REEP6: variants seen among roughly 807,000 people sequenced by gnomAD.
REEP6 encodes the protein receptor expression-enhancing protein 6.
A neutral mutation model predicts 22.4 loss-of-function variants in REEP6; 19 were observed. That is an observed-to-expected ratio of 0.85 (90% CI 0.59 to 1.25). The LOEUF (loss-of-function observed/expected upper bound fraction) is 1.25, where lower values mean the gene tolerates loss of function less well. REEP6 is among the 50% of genes most tolerant of loss of function. REEP6 has a pLI of 0.00. For synonymous variants in REEP6, 121 were observed against 113.6 expected (o/e 1.06, Z -0.41); for missense variants, 273 against 251.9 (o/e 1.08, Z -0.57).
At chr19:1,494,835 C>T (rs1034554887) in intron 1 of REEP6, among the ~76,000 whole-genome samples, 4 of 152,210 alleles carry the variant, frequency 2.6e-5, no homozygotes, top group Admixed American at 2.0e-4. Flanking sequence ...CAGGCACACA[C>T]CGCCATGCCT....
Position 1,491,764 on chromosome 19 carries a change from C to A in REEP6, c.115+380C>A, listed in dbSNP as rs1310985911. 2.6e-5 allele frequency among the ~76,000 whole-genome samples: 4 copies of A among 152,164 alleles called. No homozygotes were observed. Among genetic ancestry groups the A allele is most frequent in the Non-Finnish European group, 5.9e-5 (4 of 68,024 alleles). On this transcript the variant is annotated intron_variant, in intron 1 of 4. Transcript: ENST00000233596. The surrounding 1 kb of genome is among the most constrained non-coding windows in gnomAD (Gnocchi z 5.4). Reference sequence around the variant, plus strand: ...CTGGCTGCAACAGTAGAGATCTTCCCGTTTTTCTGAGGGGAGGCTCCTGGC... The same window carrying A: ...CTGGCTGCAACAGTAGAGATCTTCCAGTTTTTCTGAGGGGAGGCTCCTGGC...
At chr19:1,495,266 C>G (rs376143504) in intron 1 of REEP6, 28 bp from the exon 2 acceptor site, 116 of 1,607,010 alleles carry the variant, frequency 7.2e-5, no homozygotes, top group Non-Finnish European at 9.8e-5. Flanking sequence ...GTCCCCAGCC[C>G]TGGCACACCA....
At position 1,491,393 on chromosome 19, in the gene REEP6, TCGGCGCTAGCCCGTTTCGCCGA is replaced by T; in HGVS notation, c.115+13_115+34del. 4.2e-6 allele frequency: 6 copies of T among 1,432,210 alleles called. No homozygotes were observed. The highest frequency in any genetic ancestry group is 5.5e-6 in the Non-Finnish European group (6 of 1,092,098). 88.7% of individuals were successfully genotyped at this position (1,432,210 alleles called of 1,614,324 possible). ...GCGGTATCTGGCTGCAGGTGAGCCGTCGGCGCTAGCCCGTTTCGCCGACGGGCACACCGAGGCCATGGGCCTG... is the reference window on the plus strand; with the variant it reads ...GCGGTATCTGGCTGCAGGTGAGCCGTCGGGCACACCGAGGCCATGGGCCTG... On this transcript the variant is annotated intron_variant, in intron 1 of 4. Coordinates refer to ENST00000233596, the MANE Select transcript of REEP6 (RefSeq NM_138393.4). The surrounding 1 kb of genome is among the most constrained non-coding windows in gnomAD (Gnocchi z 5.4).
At position 1,491,517 on chromosome 19, in the gene REEP6, C is replaced by T. The variant is rs551167978; in HGVS notation, c.115+133C>T. The T allele has an allele frequency of 1.5e-4, 78 of 520,612 alleles. 1 individual carries two copies. Among genetic ancestry groups the T allele is most frequent in the African/African-American group, 1.4e-3 (71 of 50,370 alleles). 32.2% of individuals were successfully genotyped at this position (520,612 alleles called of 1,614,324 possible). A position where few individuals can be genotyped will look rare whatever the true frequency, so the allele number is the denominator to read the frequency against. On this transcript the variant is annotated intron_variant, in intron 1 of 4. Transcript: ENST00000233596. The surrounding 1 kb of genome is among the most constrained non-coding windows in gnomAD (Gnocchi z 5.4). ...GGAGCGCGCGAGGTGACTGGGACCT[C>T]GAGGTCCGCCCGCAGCCCTTCCCTT...
intron 3 of REEP6, 46 bp from the exon 4 acceptor site, chr19:1,496,239 C>G: frequency 6.4e-7 from 1 of 1,566,184 alleles, no homozygotes; most frequent in Non-Finnish European, 8.7e-7. Context: ...CCACCAGGGG[C>G]ACAGAGCTGG....
rs898408894 is a variant in REEP6 at position 1,497,329 on chromosome 19, C to G, written c.*118C>G. ...CCAACAGCAGCCCCTGCCAGTCCCT[C>G]GGGTCCAGGCAAGGCCCTGGGGGTC... On this transcript the variant is annotated 3_prime_UTR_variant, in exon 5 of 5. Coordinates refer to ENST00000233596, the MANE Select transcript of REEP6 (RefSeq NM_138393.4). This position sits in a 1 kb window ranked among gnomAD's most constrained non-coding sequence, Gnocchi z 6.5. The G allele has an allele frequency of 6.1e-6, 6 of 980,416 alleles. No individual in the cohort carries two copies. The East Asian group carries it at 1.6e-4, about 26-fold the overall frequency. The allele number at this position is 980,416 out of a possible 1,614,324, so 60.7% of individuals were successfully genotyped here.
intron 1 of REEP6, among the ~76,000 whole-genome samples, chr19:1,492,745 AT>A (rs2084976038): frequency 1.4e-5 from 2 of 146,732 alleles, no homozygotes; most frequent in Admixed American, 1.3e-4. Flanking sequence ...TTCCCCCCCA[AT>A]TTTCCCACCA....
intron 1 of REEP6, among the ~76,000 whole-genome samples, chr19:1,493,133 C>T (rs561152003): frequency 6.6e-6 from 1 of 152,036 alleles, no homozygotes; most frequent in African/African-American, 2.4e-5. Flanking sequence ...GGGGCTGGGC[C>T]TCCCTCCACA....
In REEP6 at chr19:1,491,349, C is replaced by A; in HGVS notation, c.80C>A (p.Ala27Asp). The A allele has an allele frequency of 1.4e-6, 2 of 1,477,982 alleles. No individual in the cohort carries two copies. The highest frequency in any genetic ancestry group is 2.6e-5 in the Admixed American group (1 of 38,548). The allele number at this position is 1,477,982 out of a possible 1,614,324, so 91.6% of individuals were successfully genotyped here. A position where few individuals can be genotyped will look rare whatever the true frequency, so the allele number is the denominator to read the frequency against. The change falls in exon 1 of 5, where the codon GCC (alanine) becomes GAC (aspartate). Residue 27 changes from alanine (A) to aspartate (D), a missense_variant. By Grantham distance (126) the Ala-to-Asp change is moderately radical. Coordinates refer to ENST00000233596, the MANE Select transcript of REEP6 (RefSeq NM_138393.4). This position sits in a 1 kb window ranked among gnomAD's most constrained non-coding sequence, Gnocchi z 5.4. ...LVTEVLGALE[A>D]KTGVEKRYLA... ...ACCGAAGTGCTGGGGGCGCTGGAGG[C>A]CAAGACCGGGGTGGAGAAGCGGTAT...
At position 1,491,500 on chromosome 19, in the gene REEP6, C is replaced by G. The variant is rs1310734766; in HGVS notation, c.115+116C>G. The G allele has an allele frequency of 7.5e-6, 5 of 662,528 alleles. No homozygotes were observed. The highest frequency in any genetic ancestry group is 1.1e-5 in the Non-Finnish European group (5 of 446,340). 41.0% of individuals were successfully genotyped at this position (662,528 alleles called of 1,614,324 possible). On this transcript the variant is annotated intron_variant, in intron 1 of 4. Transcript: ENST00000233596. This position sits in a 1 kb window ranked among gnomAD's most constrained non-coding sequence, Gnocchi z 5.4. ...GGTCCGGTCCGGCCGGTGGAGCGCG[C>G]GAGGTGACTGGGACCTCGAGGTCCG...
chr19:1,492,993 G>A (rs146042587), intron 1 of REEP6, among the ~76,000 whole-genome samples: 2,262 of 152,260 alleles, frequency 0.015, 72 homozygotes, highest in African/African-American at 0.052. Flanking sequence ...GGGAGGGGCT[G>A]CCTGGGGCAC....
In REEP6 at chr19:1,495,500, G is replaced by A. The variant is rs544559636; in HGVS notation, c.241G>A (p.Asp81Asn). ...IKAIESPSKD[D>N]DTVWLTYWVV... ...AGCTATCGAGAGCCCAAGCAAGGAC[G>A]ACGACACTGTGTGGCTCACCTACTG... The change falls in exon 3 of 5, where the codon GAC becomes AAC. Residue 81 changes from aspartate to asparagine, a missense_variant. Asp to Asn is a conservative substitution (Grantham distance 23). Transcript: ENST00000233596. 3.1e-6 allele frequency: 5 copies of A among 1,614,066 alleles called. No individual in the cohort carries two copies. The highest frequency in any genetic ancestry group is 1.1e-5 in the South Asian group (1 of 91,090).
intron 1 of REEP6, among the ~76,000 whole-genome samples, chr19:1,492,929 C>T (rs890800390): frequency 1.3e-5 from 2 of 152,208 alleles, no homozygotes; most frequent in African/African-American, 4.8e-5. Flanking sequence ...TTCCACATCC[C>T]TGGGGCTAGT....
intron 1 of REEP6, among the ~76,000 whole-genome samples, chr19:1,492,882 T>A (rs1006519103): frequency 6.6e-6 from 1 of 152,208 alleles, no homozygotes; most frequent in Non-Finnish European, 1.5e-5. Flanking sequence ...CGGCTGTGCC[T>A]GCCCCCGGGA....
chr19:1,496,682 G>A (rs1483136302), intron 4 of REEP6: 6 of 710,662 alleles, frequency 8.4e-6, no homozygotes, highest in South Asian at 3.0e-5. Context: ...GTACGTAACC[G>A]CTGTGGGGAG....
chr19:1,492,419 G>A (rs1442875944), intron 1 of REEP6, among the ~76,000 whole-genome samples: 1 of 152,054 alleles, frequency 6.6e-6, no homozygotes, highest in Non-Finnish European at 1.5e-5. Context: ...GAGCCACCTT[G>A]CCTGGCCTAA....
chr19:1,493,111 C>G (rs895319359), intron 1 of REEP6, among the ~76,000 whole-genome samples: 1 of 151,434 alleles, frequency 6.6e-6, no homozygotes, highest in Non-Finnish European at 1.5e-5. Flanking sequence ...GTCCCATCTG[C>G]TGCTAATCTT....
At chr19:1,496,255 C>T in intron 3 of REEP6, 30 bp from the exon 4 acceptor site, 1 of 1,582,294 alleles carries the variant, frequency 6.3e-7, no homozygotes. Context: ...GCTGGGTGGG[C>T]CCGCGTGTAA....
In REEP6 at chr19:1,496,353, C is replaced by T. The variant is rs1411517185; in HGVS notation, c.417C>T (p.Val139=). 16 of 1,613,088 alleles carry T rather than the reference C, an allele frequency of 9.9e-6. No homozygotes were observed. In the East Asian group the frequency reaches 2.7e-4, roughly 27 times the overall value. ...GGGCTCTCATGCTGTATCAGCGCGT[C>T]GTGCGTCCGCTGTTCCTAAGGCACC... ...WNGALMLYQR[V]VRPLFLRHHG... The change falls in exon 4 of 5, where the codon GTC becomes GTT. Residue 139 remains valine, a synonymous_variant. Transcript: ENST00000233596.
Sources: allele counts gnomAD v4.1 joint callset (sites outside exome capture counted in the v4.1 genomes callset), GRCh38; gene constraint gnomAD v4.1.1; non-coding constraint Gnocchi (gnomAD v3.1); transcripts MANE v1.5; gene names NCBI Gene and HGNC (gene_info 2026-07-23, HGNC 2026-07-21).